Variants in PLEKHA6 observed in about 807,000 individuals in gnomAD.
PLEKHA6 encodes the protein pleckstrin homology domain-containing family A member 6.
PLEKHA6 carries 60 observed loss-of-function variants against 116.7 expected under a neutral mutation model. The ratio of observed to expected loss-of-function variants is 0.51; its 90% CI spans 0.42 to 0.64. PLEKHA6 has a LOEUF of 0.64. Ranked by LOEUF, PLEKHA6 falls within the 30% of genes least tolerant of loss-of-function variation. PLEKHA6 has a pLI of 0.00. For missense variants in PLEKHA6, 1,338 were observed against 1,422.7 expected, an observed-to-expected ratio of 0.94 and a Z score of 0.96; for synonymous variants, 489 against 556.1, an observed-to-expected ratio of 0.88 and a Z score of 1.70.
At chr1:204,338,107 C>T (rs1023757802) in intron 1 of PLEKHA6, among the ~76,000 whole-genome samples, 1 of 152,116 alleles carries the variant, frequency 6.6e-6, no homozygotes, top group East Asian at 1.9e-4. Context: ...CTTAAATTCC[C>T]GAAGACCTAG....
intron 9 of PLEKHA6, among the ~76,000 whole-genome samples, chr1:204,255,458 T>C (rs1285041472): frequency 6.6e-6 from 1 of 152,154 alleles, no homozygotes; most frequent in Non-Finnish European, 1.5e-5. Flanking sequence ...CTAAAGGGCT[T>C]TGAAGAGAAG....
intron 15 of PLEKHA6, among the ~76,000 whole-genome samples, chr1:204,244,424 C>T (rs1308487143): frequency 2.0e-5 from 3 of 151,898 alleles, no homozygotes; most frequent in Non-Finnish European, 2.9e-5. Flanking sequence ...TACACGATTA[C>T]GCACCCTGCC....
intron 1 of PLEKHA6, among the ~76,000 whole-genome samples, chr1:204,329,686 A>G (rs970699689): frequency 1.3e-5 from 2 of 152,226 alleles, no homozygotes; most frequent in African/African-American, 4.8e-5. Context: ...CAGGAACTAC[A>G]GGGACAGCAT....
chr1:204,246,069 G>T (rs1011341158), intron 13 of PLEKHA6, among the ~76,000 whole-genome samples: 1 of 152,130 alleles, frequency 6.6e-6, no homozygotes. Flanking sequence ...CCTGTTTTTC[G>T]TGGGGCAAGA....
rs1273989421 is a variant in PLEKHA6, at chr1:204,277,877, G to C, written c.-94-3068C>G. The C allele has an allele frequency of 6.6e-6, 1 of 152,304 alleles. No individual in the cohort carries two copies. The highest frequency in any genetic ancestry group is 2.4e-5 in the African/African-American group (1 of 41,438). The allele number at this position is 152,304 out of a possible 1,614,324, so 9.4% of individuals were successfully genotyped here. ...GAAGCAAGTCGACCAGATGGGCGTG[G>C]ATGCTGTGGAACCAGAGCTGGTGGC... On this transcript the variant is annotated intron_variant, in intron 1 of 22. Coordinates refer to ENST00000272203, the MANE Select transcript of PLEKHA6 (RefSeq NM_014935.5). The surrounding 1 kb of genome is among the most constrained non-coding windows in gnomAD (Gnocchi z 4.1).
intron 9 of PLEKHA6, chr1:204,256,792 A>G: frequency 1.7e-6 from 1 of 603,384 alleles, no homozygotes; most frequent in Non-Finnish European, 3.0e-6. Flanking sequence ...GGAGGGGAGA[A>G]AGGACGTACC....
intron 17 of PLEKHA6, among the ~76,000 whole-genome samples, chr1:204,236,180 C>T (rs1662023984): frequency 6.6e-6 from 1 of 152,128 alleles, no homozygotes; most frequent in Non-Finnish European, 1.5e-5. Flanking sequence ...TTGATTTGGA[C>T]CCACTAAGTA....
intron 1 of PLEKHA6, among the ~76,000 whole-genome samples, chr1:204,307,572 A>C (rs1671432138): frequency 6.6e-6 from 1 of 152,240 alleles, no homozygotes; most frequent in African/African-American, 2.4e-5. Context: ...AACATCTCCC[A>C]ATAAAGCTGG....
chr1:204,265,764 G>A (rs1666719898), intron 5 of PLEKHA6, among the ~76,000 whole-genome samples: 1 of 152,152 alleles, frequency 6.6e-6, no homozygotes, highest in Non-Finnish European at 1.5e-5. Flanking sequence ...GATCCCTGCT[G>A]AGGTTCTATG....
chr1:204,219,014 G>T lies in PLEKHA6; in HGVS notation c.*3774C>A, dbSNP rs2102346975. On this transcript the variant is annotated 3_prime_UTR_variant, in exon 23 of 23. Coordinates refer to ENST00000272203, the MANE Select transcript of PLEKHA6 (RefSeq NM_014935.5). ...TCAGTCAGGCCATCCCTCCTCCTGGGGAGGGGGCTCATTGGCTAGAAAGAT... is the reference window on the plus strand; with the variant it reads ...TCAGTCAGGCCATCCCTCCTCCTGGTGAGGGGGCTCATTGGCTAGAAAGAT... The T allele has an allele frequency of 6.5e-6, 1 of 152,698 alleles. No homozygotes were observed. Among genetic ancestry groups the T allele is most frequent in the Non-Finnish European group, 1.5e-5 (1 of 68,028 alleles). 9.5% of individuals were successfully genotyped at this position (152,698 alleles called of 1,614,324 possible).
intron 1 of PLEKHA6, among the ~76,000 whole-genome samples, chr1:204,331,134 A>C (rs1484749433): frequency 6.7e-6 from 1 of 149,748 alleles, no homozygotes; most frequent in Non-Finnish European, 1.5e-5. Context: ...AAGGAGGCGA[A>C]GGTTGCAGTG....
rs1666595318 is a variant in PLEKHA6, at chr1:204,264,957, C to G, written c.366G>C (p.Arg122=). 1 of 1,613,778 alleles carries G rather than the reference C, an allele frequency of 6.2e-7. No homozygotes were observed. The change falls in exon 6 of 23, where the codon CGG becomes CGC. Residue 122 remains arginine (R), a synonymous_variant. Transcript: ENST00000272203. ...GCCAACTGACCTTAAACGTGTGTTT[C>G]CGGCTGATGTTGTCTGAGGGCTGCA... ...AAVQPSDNIS[R]KHTFKAEHAG...
In PLEKHA6 at chr1:204,230,634, C is replaced by A. The variant is rs200166651; in HGVS notation, c.2410-48G>T. The A allele has an allele frequency of 4.0e-6, 6 of 1,490,690 alleles. No homozygotes were observed. In the East Asian group the frequency reaches 1.4e-4, roughly 36 times the overall value. 92.3% of individuals were successfully genotyped at this position (1,490,690 alleles called of 1,614,324 possible). A position where few individuals can be genotyped will look rare whatever the true frequency, so the allele number is the denominator to read the frequency against. On this transcript the variant is annotated intron_variant, in intron 17 of 22. Transcript: ENST00000272203. Reference sequence around the variant, plus strand: ...CTCTGACAAGTGCCTTATCCCCCACCCAGCTTTTCCATCCTGAACCCTTAA... The same window carrying A: ...CTCTGACAAGTGCCTTATCCCCCACACAGCTTTTCCATCCTGAACCCTTAA...
At chr1:204,317,684 A>G (rs956902584) in intron 1 of PLEKHA6, among the ~76,000 whole-genome samples, 3 of 152,374 alleles carry the variant, frequency 2.0e-5, no homozygotes, top group African/African-American at 7.2e-5. Context: ...TGGGAACTCA[A>G]ATTAGTAAAA....
At chr1:204,372,278 T>C (rs1371534482) in intron 1 of PLEKHA6, among the ~76,000 whole-genome samples, 2 of 152,126 alleles carry the variant, frequency 1.3e-5, no homozygotes, top group Non-Finnish European at 2.9e-5. Flanking sequence ...CCGACAAAAC[T>C]CTTTCTGATA....
chr1:204,372,435 C>T (rs955600795), intron 1 of PLEKHA6, among the ~76,000 whole-genome samples: 2 of 152,168 alleles, frequency 1.3e-5, no homozygotes, highest in Non-Finnish European at 2.9e-5. Flanking sequence ...CAAGAAGCAT[C>T]TGACTGTCTT....
rs1668289755 is a variant in PLEKHA6, at chr1:204,278,803, C to T, written c.-94-3994G>A. ...CAGTTTCTTGGGCCCTCTCCTGATG[C>T]CGGCTTGAGGTTCCTGCCCATACAT... On this transcript the variant is annotated intron_variant, in intron 1 of 22. Coordinates refer to ENST00000272203, the MANE Select transcript of PLEKHA6 (RefSeq NM_014935.5). Among the ~76,000 whole-genome samples, 3 of 152,162 alleles carry T rather than the reference C, an allele frequency of 2.0e-5. No homozygotes were observed. The South Asian group carries it at 6.2e-4, about 32-fold the overall frequency.
In PLEKHA6 at chr1:204,250,573, G is replaced by T. The variant is rs1326513333; in HGVS notation, c.1566C>A (p.Thr522=). 6.2e-7 allele frequency: 1 copy of T among 1,612,996 alleles called. No homozygotes were observed. Among genetic ancestry groups the T allele is most frequent in the East Asian group, 2.2e-5 (1 of 44,884 alleles). ...YPEVFRDSLH[T]YKLNEQDTDK... is the part of the protein sequence containing the mutation. ...CTGTGTCTTGCTCGTTTAACTTGTA[G>T]GTGTGGAGGCTGTCCCGGAACACTT... The change falls in exon 10 of 23, where the codon ACC becomes ACA. Residue 522 remains threonine (T), a synonymous_variant. Transcript: ENST00000272203.
chr1:204,245,740 A>C lies in PLEKHA6; in HGVS notation c.1921-14T>G. On this transcript the variant is annotated splice_polypyrimidine_tract_variant and intron_variant, in intron 13 of 22. Transcript: ENST00000272203. ...CAGCACCTCATTCTGAAGCAGCCAC[A>C]CAGTGAGTCAAAGGAAATGGCCATG... 2 of 1,569,618 alleles carry C rather than the reference A, an allele frequency of 1.3e-6. No homozygotes were observed. The highest frequency in any genetic ancestry group is 1.8e-6 in the Non-Finnish European group (2 of 1,141,444).
Sources: gnomAD v4.1 joint callset for allele counts (sites outside exome capture counted in the v4.1 genomes callset) on GRCh38, gnomAD v4.1.1 for gene constraint, Gnocchi (gnomAD v3.1) non-coding constraint, MANE v1.5 for transcripts, NCBI Gene and HGNC (gene_info 2026-07-23, HGNC 2026-07-21) for gene names.